ARID3B: variants seen among roughly 807,000 people sequenced by gnomAD.
ARID3B encodes the protein AT-rich interaction domain 3B, also known as AT-rich interactive domain-containing protein 3B.
ARID3B carries 10 observed loss-of-function variants against 51.9 expected under a neutral mutation model. That is an observed-to-expected ratio of 0.19 (90% CI 0.12 to 0.33). The LOEUF (loss-of-function observed/expected upper bound fraction) is 0.33, where lower values mean the gene tolerates loss of function less well. ARID3B is among the 10% of genes least tolerant of loss of function. ARID3B has a pLI of 1.00. For missense variants in ARID3B, 483 were observed against 716.3 expected (o/e 0.67, Z 3.72); for synonymous variants, 205 against 279.5 (o/e 0.73, Z 2.66).
rs753775629 is a variant in ARID3B at position 74,595,606 on chromosome 15, C to T, written c.1520-5C>T. ...CCCACACTTGCTTCTCTTCCACCCA[C>T]CAAGGTGTGCTGTTTGCCCAGAAGC... On this transcript the variant is annotated splice_polypyrimidine_tract_variant and splice_region_variant and intron_variant, in intron 8 of 8. Coordinates refer to ENST00000346246, the MANE Select transcript of ARID3B (RefSeq NM_006465.4). The T allele has an allele frequency of 2.2e-5, 36 of 1,612,266 alleles. No individual in the cohort carries two copies. The East Asian group carries it at 8.0e-4, about 36-fold the overall frequency.
At position 74,562,059 on chromosome 15, in the gene ARID3B, A is replaced by G. The variant is rs1020741822; in HGVS notation, c.553-10803A>G. ...CTGTCTTAAAAAAAAAAAAAAAAAAAGCAGGCTAGGTTAAGCTATGATGTT... is the reference window on the plus strand; with the variant it reads ...CTGTCTTAAAAAAAAAAAAAAAAAAGGCAGGCTAGGTTAAGCTATGATGTT... On this transcript the variant is annotated intron_variant, in intron 2 of 8. Coordinates refer to ENST00000346246, the MANE Select transcript of ARID3B (RefSeq NM_006465.4). Among the ~76,000 whole-genome samples the G allele has an allele frequency of 2.0e-5, 3 of 151,168 alleles. No homozygotes were observed. In the East Asian group the frequency reaches 5.8e-4, roughly 29 times the overall value.
At chr15:74,561,417 A>G (rs2141456619) in intron 2 of ARID3B, among the ~76,000 whole-genome samples, 1 of 152,360 alleles carries the variant, frequency 6.6e-6, no homozygotes, top group East Asian at 1.9e-4. Context: ...AATGTCAGAC[A>G]TTTAGACTGC....
chr15:74,562,396 C>T (rs576359297), intron 2 of ARID3B, among the ~76,000 whole-genome samples: 2 of 152,356 alleles, frequency 1.3e-5, no homozygotes, highest in Admixed American at 6.5e-5. Context: ...CCACCTCGGC[C>T]TCCCAAACTG....
At chr15:74,550,716 A>G (rs916314353) in intron 2 of ARID3B, among the ~76,000 whole-genome samples, 2 of 151,946 alleles carry the variant, frequency 1.3e-5, no homozygotes, top group African/African-American at 2.4e-5. Flanking sequence ...CAAAAAAAAA[A>G]AAGGAAAAGA....
intron 4 of ARID3B, among the ~76,000 whole-genome samples, chr15:74,589,392 T>C (rs1253643303): frequency 1.3e-5 from 2 of 152,028 alleles, no homozygotes; most frequent in Non-Finnish European, 2.9e-5. Flanking sequence ...AGGGCTCCCC[T>C]TCTAGGAAGT....
intron 4 of ARID3B, among the ~76,000 whole-genome samples, chr15:74,583,543 C>A (rs959156694): frequency 1.3e-5 from 2 of 151,990 alleles, no homozygotes; most frequent in African/African-American, 4.8e-5. Context: ...ATGGTGAAAC[C>A]CTGTCTCCAC....
At position 74,597,318 on chromosome 15, in the gene ARID3B, G is replaced by A; in HGVS notation, c.*1544G>A. ...CAGAACACCACCACTGTGACATGGG[G>A]CTGTGGCAGTGGGAGACACCGCGCG... On this transcript the variant is annotated 3_prime_UTR_variant, in exon 9 of 9. Transcript: ENST00000346246. The A allele has an allele frequency of 2.4e-6, 1 of 415,316 alleles. No homozygotes were observed. Among genetic ancestry groups the A allele is most frequent in the Non-Finnish European group, 4.5e-6 (1 of 220,382 alleles). The allele number at this position is 415,316 out of a possible 1,614,324, so 25.7% of individuals were successfully genotyped here.
At chr15:74,579,102 G>A (rs764614606) in intron 4 of ARID3B, among the ~76,000 whole-genome samples, 5 of 152,308 alleles carry the variant, frequency 3.3e-5, no homozygotes, top group East Asian at 1.9e-4. Flanking sequence ...CCGAATGACC[G>A]CAGCTGCAGG....
chr15:74,557,392 A>T (rs1378643888), intron 2 of ARID3B, among the ~76,000 whole-genome samples: 1 of 151,830 alleles, frequency 6.6e-6, no homozygotes, highest in Non-Finnish European at 1.5e-5. Flanking sequence ...TCCAGCCTGG[A>T]TGAGAGTGAG....
At chr15:74,593,021 A>G (rs2061809508) in intron 7 of ARID3B, 117 bp from the exon 8 acceptor site, 2 of 785,358 alleles carry the variant, frequency 2.5e-6, no homozygotes, top group African/African-American at 1.7e-5. Flanking sequence ...AGAAGGTTAC[A>G]TAGATGCCTT....
intron 4 of ARID3B, among the ~76,000 whole-genome samples, chr15:74,578,461 C>T (rs987806809): frequency 6.6e-6 from 1 of 152,196 alleles, no homozygotes; most frequent in African/African-American, 2.4e-5. Flanking sequence ...AGGCATGAGC[C>T]ACCGAGCCCG....
intron 2 of ARID3B, among the ~76,000 whole-genome samples, chr15:74,546,810 G>A (rs1050768433): frequency 1.3e-5 from 2 of 152,166 alleles, no homozygotes; most frequent in African/African-American, 4.8e-5. Context: ...ACTGAACTGG[G>A]GGGCTTTGGG....
chr15:74,550,487 T>C (rs925041411), intron 2 of ARID3B, among the ~76,000 whole-genome samples: 2 of 151,050 alleles, frequency 1.3e-5, no homozygotes, highest in Non-Finnish European at 1.5e-5. Context: ...GGTCAGGAGA[T>C]CAAGACCATC....
chr15:74,569,893 C>T (rs900344097), intron 2 of ARID3B, among the ~76,000 whole-genome samples: 5 of 152,204 alleles, frequency 3.3e-5, no homozygotes, highest in African/African-American at 1.2e-4. Flanking sequence ...TTTACATCAG[C>T]CCCAGCTGAA....
chr15:74,597,813 C>T lies in ARID3B; in HGVS notation c.*2039C>T, dbSNP rs1194179206. The T allele has an allele frequency of 2.3e-5, 11 of 478,938 alleles. No homozygotes were observed. Among genetic ancestry groups the T allele is most frequent in the Non-Finnish European group, 4.4e-5 (11 of 247,926 alleles). 29.7% of individuals were successfully genotyped at this position (478,938 alleles called of 1,614,324 possible). On this transcript the variant is annotated 3_prime_UTR_variant, in exon 9 of 9. Coordinates refer to ENST00000346246, the MANE Select transcript of ARID3B (RefSeq NM_006465.4). ...GCCTGGCCACACCGTTGGAGTGAACCCTCACTGCCCTCAAGGACAACAGCA... is the reference window on the plus strand; with the variant it reads ...GCCTGGCCACACCGTTGGAGTGAACTCTCACTGCCCTCAAGGACAACAGCA...
At chr15:74,595,571 T>C in intron 8 of ARID3B, 40 bp from the exon 9 acceptor site, 1 of 1,597,346 alleles carries the variant, frequency 6.3e-7, no homozygotes, top group African/African-American at 1.3e-5. Flanking sequence ...TCCCCTTCGC[T>C]CTTCCTCTGC....
Position 74,552,056 on chromosome 15 carries a change from CT to C in ARID3B, c.552+7589del, listed in dbSNP as rs869096001. On this transcript the variant is annotated intron_variant, in intron 2 of 8. Coordinates refer to ENST00000346246, the MANE Select transcript of ARID3B (RefSeq NM_006465.4). ...TTTCCTTTTCTTTTTTCTTTCTTTC[CT>C]TTTTTTTTTTTTTTTTTTTTCTGAG... Among the ~76,000 whole-genome samples the C allele has an allele frequency of 7.1e-3, 726 of 102,584 alleles. 3 individuals carry two copies. Among genetic ancestry groups the C allele is most frequent in the African/African-American group, 0.024 (586 of 24,676 alleles). The allele number at this position is 102,584 out of a possible 152,430, so 67.3% of individuals were successfully genotyped here.
chr15:74,564,447 T>C (rs1567119722), intron 2 of ARID3B, among the ~76,000 whole-genome samples: 1 of 152,230 alleles, frequency 6.6e-6, no homozygotes, highest in African/African-American at 2.4e-5. Flanking sequence ...TGCAGAGCCA[T>C]GGATCTGGCC....
At chr15:74,568,611 T>C (rs1017145508) in intron 2 of ARID3B, among the ~76,000 whole-genome samples, 1 of 152,224 alleles carries the variant, frequency 6.6e-6, no homozygotes, top group African/African-American at 2.4e-5. Context: ...TGCTACCTTT[T>C]CTCTTTCCCC....
Sources: gnomAD v4.1 joint callset for allele counts (sites outside exome capture counted in the v4.1 genomes callset) on GRCh38, gnomAD v4.1.1 for gene constraint, MANE v1.5 for transcripts, NCBI Gene and HGNC (gene_info 2026-07-23, HGNC 2026-07-21) for gene names.